Variants in ADGRL2 observed in about 807,000 individuals in gnomAD.
The protein encoded by ADGRL2 is adhesion G protein-coupled receptor L2.
In ADGRL2, 44 loss-of-function variants were observed where a neutral mutation model predicts 157.4. That is an observed-to-expected ratio of 0.28 (90% CI 0.22 to 0.36). The LOEUF (loss-of-function observed/expected upper bound fraction) is 0.36. Among genes scored for constraint, ADGRL2 ranks in the 10% least tolerant of loss-of-function variants. The pLI, the probability that ADGRL2 is intolerant of heterozygous loss-of-function variation, is 1.00. For synonymous variants in ADGRL2, 585 were observed against 624.7 expected (o/e 0.94, Z 0.95); for missense variants, 1,510 against 1,768.9 (o/e 0.85, Z 2.63).
At chr1:81,482,440 T>C (rs2078409694) in intron 2 of ADGRL2, among the ~76,000 whole-genome samples, 1 of 147,892 alleles carries the variant, frequency 6.8e-6, no homozygotes. Context: ...CCCACACATA[T>C]AATTTATTAT....
intron 1 of ADGRL2, among the ~76,000 whole-genome samples, chr1:81,817,115 T>C (rs1322207874): frequency 6.6e-6 from 1 of 152,036 alleles, no homozygotes; most frequent in Non-Finnish European, 1.5e-5. Context: ...CTCCTACCTT[T>C]TGTAGTCTCC....
chr1:81,590,079 A>C (rs766973541), intron 3 of ADGRL2, among the ~76,000 whole-genome samples: 7 of 152,104 alleles, frequency 4.6e-5, no homozygotes, highest in Non-Finnish European at 7.4e-5. Context: ...TCCAGTGTGC[A>C]GTTTTCTGAG....
At chr1:81,899,411 G>A (rs1310830794) in intron 2 of ADGRL2, among the ~76,000 whole-genome samples, 1 of 152,194 alleles carries the variant, frequency 6.6e-6, no homozygotes, top group Non-Finnish European at 1.5e-5. Context: ...TCAGTCTTAA[G>A]TTGCTGCACC....
intron 23 of ADGRL2, chr1:81,990,043 T>C: frequency 1.0e-6 from 1 of 985,020 alleles, no homozygotes; most frequent in Non-Finnish European, 1.2e-6. Context: ...ATGTCACTAA[T>C]GAATTGCTTT....
At chr1:81,871,886 G>C (rs1260137418) in intron 2 of ADGRL2, among the ~76,000 whole-genome samples, 1 of 152,148 alleles carries the variant, frequency 6.6e-6, no homozygotes, top group African/African-American at 2.4e-5. Flanking sequence ...TAGGTTGCCT[G>C]TTCACTCTGA....
At chr1:81,720,908 T>G (rs925183234) in intron 1 of ADGRL2, among the ~76,000 whole-genome samples, 1 of 150,016 alleles carries the variant, frequency 6.7e-6, no homozygotes, top group Non-Finnish European at 1.5e-5. Flanking sequence ...CTATATATGT[T>G]TTATATATTA....
chr1:81,990,412 G>T lies in ADGRL2; in HGVS notation c.3677G>T (p.Arg1226Met), dbSNP rs1402606615. Residue 1226 changes from arginine (R) to methionine (M), a missense_variant, in exon 24 of 24, where the codon AGG becomes ATG. By Grantham distance (91) the Arg-to-Met change is moderately conservative. Coordinates refer to ENST00000686636, the MANE Select transcript of ADGRL2 (RefSeq NM_001366006.2). ...TCAGGACATTCACTGAACAATGCCA[G>T]GGATACAAGTGCCATGGATACTCTA... ...RETRHSLNNA[R>M]DTSAMDTLPL... 6.2e-7 allele frequency: 1 copy of T among 1,613,776 alleles called. No homozygotes were observed. Among genetic ancestry groups the T allele is most frequent in the Admixed American group, 1.7e-5 (1 of 60,004 alleles).
intron 1 of ADGRL2, among the ~76,000 whole-genome samples, chr1:81,804,199 G>A (rs1165167685): frequency 6.6e-6 from 1 of 152,066 alleles, no homozygotes; most frequent in Non-Finnish European, 1.5e-5. Flanking sequence ...TTCTGTCCAG[G>A]TGTGTTATGG....
chr1:81,838,365 C>T (rs1000362307), intron 2 of ADGRL2, among the ~76,000 whole-genome samples: 1 of 152,078 alleles, frequency 6.6e-6, no homozygotes, highest in Non-Finnish European at 1.5e-5. Context: ...ATTTAAGTCA[C>T]ACTTGGCAGT....
At chr1:81,794,833 G>C in intron 2 of ADGRL2, among the ~76,000 whole-genome samples, 1 of 152,060 alleles carries the variant, frequency 6.6e-6, no homozygotes, top group Middle Eastern at 3.2e-3. Context: ...ATGGGAATTA[G>C]GTTTATAACA....
chr1:81,950,131 G>T, intron 6 of ADGRL2, 58 bp from the exon 7 acceptor site: 2 of 1,415,932 alleles, frequency 1.4e-6, no homozygotes, highest in South Asian at 2.5e-5. Context: ...ATGTGTGCAT[G>T]ACTGTATGTG....
rs183904626 is a variant in ADGRL2 at position 81,728,624 on chromosome 1, A to G, written c.-143+28816A>G. Among the ~76,000 whole-genome samples the G allele has an allele frequency of 9.2e-5, 14 of 152,334 alleles. No homozygotes were observed. In the East Asian group the frequency reaches 1.7e-3, roughly 19 times the overall value. On this transcript the variant is annotated intron_variant, in intron 1 of 20. Transcript: ENST00000359929. The stretch of plus-strand genomic sequence containing the variant: ...AAATAAACCAACATTGGGAGATCCA[A>G]TCAAATCTCATGTGGAACTGTAACT...
At chr1:81,612,867 A>G (rs1454283509) in intron 3 of ADGRL2, among the ~76,000 whole-genome samples, 1 of 152,170 alleles carries the variant, frequency 6.6e-6, no homozygotes, top group Non-Finnish European at 1.5e-5. Flanking sequence ...ATGAGCTATC[A>G]CTTCACATCT....
chr1:81,565,886 A>G (rs900012537), intron 2 of ADGRL2, among the ~76,000 whole-genome samples: 1 of 152,186 alleles, frequency 6.6e-6, no homozygotes, highest in Non-Finnish European at 1.5e-5. Flanking sequence ...TTAGAAGTAG[A>G]TGACTCAAAC....
intron 2 of ADGRL2, among the ~76,000 whole-genome samples, chr1:81,547,627 G>A (rs943987789): frequency 6.6e-6 from 1 of 152,152 alleles, no homozygotes; most frequent in African/African-American, 2.4e-5. Context: ...AAGAAATAAA[G>A]GAATTTAGAA....
chr1:81,909,283 CCTT>C (rs2094656266), intron 3 of ADGRL2, among the ~76,000 whole-genome samples: 1 of 151,556 alleles, frequency 6.6e-6, no homozygotes, highest in African/African-American at 2.4e-5. Flanking sequence ...GGATAACAGT[CCTT>C]CATCATATAT....
At chr1:81,794,054 G>C (rs980735801) in intron 2 of ADGRL2, among the ~76,000 whole-genome samples, 12 of 151,902 alleles carry the variant, frequency 7.9e-5, no homozygotes, top group Admixed American at 7.2e-4. Flanking sequence ...TTGTTTTTAT[G>C]TTATATCCAT....
At chr1:81,726,931 T>C in intron 1 of ADGRL2, among the ~76,000 whole-genome samples, 1 of 152,202 alleles carries the variant, frequency 6.6e-6, no homozygotes, top group East Asian at 1.9e-4. Flanking sequence ...TTTCAGAGGA[T>C]ATTTTAAATG....
At chr1:81,626,330 T>C (rs558430423) in intron 3 of ADGRL2, among the ~76,000 whole-genome samples, 98 of 152,224 alleles carry the variant, frequency 6.4e-4, no homozygotes, top group Admixed American at 1.2e-3. Flanking sequence ...TTTGAGACAG[T>C]GTCTCACTCC....
Sources: allele counts gnomAD v4.1 joint callset (sites outside exome capture counted in the v4.1 genomes callset), GRCh38; gene constraint gnomAD v4.1.1; transcripts MANE v1.5; gene names NCBI Gene and HGNC (gene_info 2026-07-23, HGNC 2026-07-21).